FOXP4: variants seen among roughly 807,000 people sequenced by gnomAD.
The protein encoded by FOXP4 is forkhead box P4, also known as forkhead box protein P4.
FOXP4 carries 25 observed loss-of-function variants against 82.6 expected under a neutral mutation model. The observed-to-expected ratio is 0.30, with a 90% CI of 0.22 to 0.42. FOXP4 has a LOEUF of 0.42. Among genes scored for constraint, FOXP4 ranks in the 10% least tolerant of loss-of-function variants. FOXP4 has a pLI of 1.00. For synonymous variants in FOXP4, 415 were observed against 388.2 expected (o/e 1.07, Z -0.81); for missense variants, 785 against 900.9 (o/e 0.87, Z 1.65).
chr6:41,587,020 C>T lies in FOXP4; in HGVS notation c.522C>T (p.Asn174=). 1 of 1,591,988 alleles carries T rather than the reference C, an allele frequency of 6.3e-7. No individual in the cohort carries two copies. Among genetic ancestry groups the T allele is most frequent in the South Asian group, 1.1e-5 (1 of 89,222 alleles). ...GKPQPKEALG[N]KQLAFQQQLL... is the part of the protein sequence containing the mutation. ...GGGCCCCTCACCAGGCACTGGGGAA[C>T]AAGCAGCTGGCCTTCCAGCAGCAGC... The change falls in exon 6 of 17, where the codon AAC becomes AAT. Residue 174 remains asparagine (N), a synonymous_variant. Transcript: ENST00000307972.
At position 41,565,991 on chromosome 6, in the gene FOXP4, C is replaced by T. The variant is rs1370239822; in HGVS notation, c.204+27C>T. On this transcript the variant is annotated intron_variant, in intron 2 of 16. Transcript: ENST00000307972. ...TAGGAACTGGTGCGCCTTGGGGTAT[C>T]TGGGAGCGGGAGAGGGGCACTAGGC... 7 of 1,597,242 alleles carry T rather than the reference C, an allele frequency of 4.4e-6. No individual in the cohort carries two copies. In the East Asian group the frequency reaches 1.1e-4, roughly 26 times the overall value.
intron 13 of FOXP4, among the ~76,000 whole-genome samples, chr6:41,592,803 T>G (rs533494998): frequency 9.2e-5 from 14 of 152,106 alleles, no homozygotes; most frequent in African/African-American, 2.9e-4. Context: ...GTGACTTCCT[T>G]AAACTACTCA....
chr6:41,583,061 G>A (rs1488120897), intron 3 of FOXP4, among the ~76,000 whole-genome samples: 1 of 152,150 alleles, frequency 6.6e-6, no homozygotes, highest in African/African-American at 2.4e-5. Flanking sequence ...ACTCCTAAGG[G>A]CATATCCCCC....
chr6:41,550,409 A>G (rs1172282327), intron 1 of FOXP4, among the ~76,000 whole-genome samples: 1 of 152,242 alleles, frequency 6.6e-6, no homozygotes, highest in Non-Finnish European at 1.5e-5. Flanking sequence ...CTGCCAGGCC[A>G]CATGTTGGTT....
Position 41,588,725 on chromosome 6 carries a change from G to T in FOXP4, c.1059G>T (p.Glu353Asp). The change falls in exon 9 of 17, where the codon GAG (glutamate) becomes GAT (aspartate). Residue 353 changes from glutamate (E) to aspartate (D), a missense_variant. Glu to Asp is a conservative substitution (Grantham distance 45). This residue lies in a region of FOXP4 where 570 missense variants were observed against 634.0 expected (regional missense o/e 0.90). Transcript: ENST00000307972. Reference protein sequence around the residue: ...RVQMQVVQQLEIQLAKESERL... With the variant: ...RVQMQVVQQLDIQLAKESERL... ...AGATGCAGGTGGTGCAGCAGCTGGAGATCCAGGTGTGGCCCGGAAGATGCT... is the reference window on the plus strand; with the variant it reads ...AGATGCAGGTGGTGCAGCAGCTGGATATCCAGGTGTGGCCCGGAAGATGCT... 1 of 1,613,604 alleles carries T rather than the reference G, an allele frequency of 6.2e-7. No individual in the cohort carries two copies. Among genetic ancestry groups the T allele is most frequent in the Non-Finnish European group, 8.5e-7 (1 of 1,180,016 alleles).
At chr6:41,557,155 G>T (rs939892140) in intron 1 of FOXP4, among the ~76,000 whole-genome samples, 4 of 152,186 alleles carry the variant, frequency 2.6e-5, no homozygotes, top group South Asian at 2.1e-4. Context: ...ACCCAGATTC[G>T]ACAGGGCCTG....
intron 3 of FOXP4, among the ~76,000 whole-genome samples, chr6:41,582,773 G>C (rs1322301593): frequency 6.6e-6 from 1 of 152,076 alleles, no homozygotes; most frequent in African/African-American, 2.4e-5. Context: ...GTCCTTCTAG[G>C]ATACAACCGT....
chr6:41,549,730 G>T lies in FOXP4; in HGVS notation c.-17+2863G>T, dbSNP rs188379650. Among the ~76,000 whole-genome samples, 26 of 148,026 alleles carry T rather than the reference G, an allele frequency of 1.8e-4. No homozygotes were observed. The East Asian group carries it at 5.3e-3, about 30-fold the overall frequency. On this transcript the variant is annotated intron_variant, in intron 1 of 16. Coordinates refer to ENST00000307972, the MANE Select transcript of FOXP4 (RefSeq NM_001012426.2). ...GGGTAGGAGAGACAGATATCACATG[G>T]TGGGGGGGAGGGTGGAGGGGAGAAG...
At chr6:41,550,711 G>A (rs1763949355) in intron 1 of FOXP4, among the ~76,000 whole-genome samples, 1 of 152,228 alleles carries the variant, frequency 6.6e-6, no homozygotes, top group African/African-American at 2.4e-5. Context: ...AAGTGGAGAG[G>A]GGGACTGTAG....
rs543539707 is a variant in FOXP4 at position 41,599,895 on chromosome 6, T to TC, written c.*965dup. 2,752 of 149,512 alleles carry TC rather than the reference T, an allele frequency of 0.018. 38 individuals carry two copies. The highest frequency in any genetic ancestry group is 0.027 in the Non-Finnish European group (1,788 of 67,418). The allele number at this position is 149,512 out of a possible 1,614,324, so 9.3% of individuals were successfully genotyped here. ...TCAGCTCCCCTTCCTTGCCCGCCTCTCCCCCCGCCGCCCCACCAGTTAAAC... is the reference window on the plus strand; with the variant it reads ...TCAGCTCCCCTTCCTTGCCCGCCTCTCCCCCCCGCCGCCCCACCAGTTAAAC... On this transcript the variant is annotated 3_prime_UTR_variant, in exon 17 of 17. Transcript: ENST00000307972.
chr6:41,592,102 G>A (rs1766552215), intron 13 of FOXP4, among the ~76,000 whole-genome samples: 1 of 152,124 alleles, frequency 6.6e-6, no homozygotes, highest in Non-Finnish European at 1.5e-5. Flanking sequence ...CTGCAGGGAA[G>A]GTTAGACGCG....
At chr6:41,564,531 C>A (rs537078322) in intron 1 of FOXP4, among the ~76,000 whole-genome samples, 2 of 152,250 alleles carry the variant, frequency 1.3e-5, no homozygotes, top group African/African-American at 4.8e-5. Context: ...CCTGACCATC[C>A]CAAACACATA....
intron 1 of FOXP4, among the ~76,000 whole-genome samples, chr6:41,561,076 T>C (rs1764552032): frequency 6.6e-6 from 1 of 152,190 alleles, no homozygotes; most frequent in Admixed American, 6.5e-5. Flanking sequence ...GCCAGGAGCC[T>C]CCGGGGAAGT....
chr6:41,590,364 G>A lies in FOXP4; in HGVS notation c.1434+17G>A. On this transcript the variant is annotated intron_variant, in intron 12 of 16. Transcript: ENST00000307972. ...ATCCGCCAGGTGAGCAGGGCAGGTAGGAGGAGGGTGGGGAATGGCACACAG... is the reference window on the plus strand; with the variant it reads ...ATCCGCCAGGTGAGCAGGGCAGGTAAGAGGAGGGTGGGGAATGGCACACAG... 3 of 1,612,598 alleles carry A rather than the reference G, an allele frequency of 1.9e-6. No individual in the cohort carries two copies. Among genetic ancestry groups the A allele is most frequent in the Non-Finnish European group, 2.5e-6 (3 of 1,179,476 alleles).
At chr6:41,595,279 A>G (rs1184076976) in intron 14 of FOXP4, among the ~76,000 whole-genome samples, 4 of 152,250 alleles carry the variant, frequency 2.6e-5, no homozygotes, top group Admixed American at 2.6e-4. Context: ...AGGGGCCCCA[A>G]GTAGCCCTGG....
chr6:41,572,964 T>C (rs1422386516), intron 2 of FOXP4, among the ~76,000 whole-genome samples: 1 of 152,176 alleles, frequency 6.6e-6, no homozygotes, highest in East Asian at 1.9e-4. Context: ...TAAATTGATA[T>C]TATGACCCAC....
In FOXP4 at chr6:41,596,445, C is replaced by G. The variant is rs192694332; in HGVS notation, c.1659-731C>G. Among the ~76,000 whole-genome samples, 106 of 152,322 alleles carry G rather than the reference C, an allele frequency of 7.0e-4. 1 individual carries two copies. Among genetic ancestry groups the G allele is most frequent in the Middle Eastern group, 3.4e-3 (1 of 294 alleles). On this transcript the variant is annotated intron_variant, in intron 14 of 16. Transcript: ENST00000307972. ...CTTACCAGGCAGGAGCCTTTGCACC[C>G]CAGGCAGTGTGCAGCCTGGAGAATG... is the stretch of plus-strand genomic sequence containing the variant.
intron 2 of FOXP4, 137 bp downstream of exon 2, chr6:41,566,101 A>G: frequency 1.1e-6 from 1 of 907,754 alleles, no homozygotes; most frequent in African/African-American, 1.7e-5. Context: ...TCCAGCCTCC[A>G]AGGACTCCCT....
chr6:41,589,784 G>T lies in FOXP4; in HGVS notation c.1079G>T (p.Ser360Ile). The T allele has an allele frequency of 6.2e-7, 1 of 1,611,162 alleles. No individual in the cohort carries two copies. Among genetic ancestry groups the T allele is most frequent in the Middle Eastern group, 1.7e-4 (1 of 5,940 alleles). Residue 360 changes from serine to isoleucine, a missense_variant, in exon 10 of 17, where the codon AGC becomes ATC. This residue lies in a region of FOXP4 where 570 missense variants were observed against 634.0 expected (regional missense o/e 0.90). Transcript: ENST00000307972. ...QQLEIQLAKE[S>I]ERLQAMMAHL... ...CACCCTCCACAGCTCGCCAAGGAGAGCGAGCGGCTGCAGGCCATGATGGCC... is the reference window on the plus strand; with the variant it reads ...CACCCTCCACAGCTCGCCAAGGAGATCGAGCGGCTGCAGGCCATGATGGCC...
Sources: gnomAD v4.1 joint callset for allele counts (sites outside exome capture counted in the v4.1 genomes callset) on GRCh38, gnomAD v4.1.1 for gene constraint, gnomAD v4.1.1 regional missense constraint, MANE v1.5 for transcripts, NCBI Gene and HGNC (gene_info 2026-07-23, HGNC 2026-07-21) for gene names.